Variants in ADAMTS2 observed in about 807,000 individuals in gnomAD.
ADAMTS2 encodes the protein ADAM metallopeptidase with thrombospondin type 1 motif 2, also known as A disintegrin and metalloproteinase with thrombospondin motifs 2.
A neutral mutation model predicts 123.0 loss-of-function variants in ADAMTS2; 50 were observed. The observed-to-expected ratio is 0.41, with a 90% CI of 0.32 to 0.51. The LOEUF is 0.51. ADAMTS2 is among the 20% of genes least tolerant of loss of function. The pLI is 0.35. For missense variants in ADAMTS2, 1,494 were observed against 1,705.2 expected, an observed-to-expected ratio of 0.88 and a Z score of 2.18; for synonymous variants, 678 against 695.4, an observed-to-expected ratio of 0.98 and a Z score of 0.39.
intron 18 of ADAMTS2, among the ~76,000 whole-genome samples, chr5:179,125,398 A>G (rs1311312127): frequency 6.6e-6 from 1 of 152,188 alleles, no homozygotes; most frequent in Non-Finnish European, 1.5e-5. Context: ...GGTCCTACTG[A>G]CCATGAGTCC....
intron 4 of ADAMTS2, among the ~76,000 whole-genome samples, chr5:179,194,110 C>T (rs887801815): frequency 6.6e-6 from 1 of 152,300 alleles, no homozygotes; most frequent in Non-Finnish European, 1.5e-5. Context: ...CAGTTCCCCG[C>T]GGGAGGCCAA....
At chr5:179,335,034 G>A (rs560722591) in intron 2 of ADAMTS2, among the ~76,000 whole-genome samples, 22 of 151,872 alleles carry the variant, frequency 1.4e-4, no homozygotes, top group Admixed American at 3.3e-4. Flanking sequence ...TCAAATTCAC[G>A]AGGGATTTTT....
intron 3 of ADAMTS2, among the ~76,000 whole-genome samples, chr5:179,246,690 G>C (rs1271031425): frequency 6.6e-6 from 1 of 152,190 alleles, no homozygotes; most frequent in Non-Finnish European, 1.5e-5. Context: ...GTCTGGCTAA[G>C]CATCAAAGGT....
At chr5:179,204,269 G>A (rs569794271) in intron 4 of ADAMTS2, among the ~76,000 whole-genome samples, 59 of 152,296 alleles carry the variant, frequency 3.9e-4, no homozygotes, top group African/African-American at 1.3e-3. Context: ...CGGTGGTGGC[G>A]ATGGTGGCCC....
intron 6 of ADAMTS2, 30 bp from the exon 7 acceptor site, chr5:179,154,949 G>A (rs926255926): frequency 1.3e-6 from 2 of 1,592,298 alleles, no homozygotes; most frequent in African/African-American, 2.7e-5. Context: ...GGCTCCAGAT[G>A]CTGCCATAGC....
chr5:179,134,885 TCCAGACC>T (rs1763031192), intron 13 of ADAMTS2, among the ~76,000 whole-genome samples: 1 of 53,538 alleles, frequency 1.9e-5, no homozygotes, highest in Non-Finnish European at 3.7e-5. Context: ...AGCTCCCGGC[TCCAGACC>T]CCAGCTCCCG....
Position 179,181,191 on chromosome 5 carries a change from G to C in ADAMTS2, c.892-36C>G. ...CAGGGAGGCATCAGCGGGAACCACAGGCCCTAGGACTGGCTCTGGCTCTGC... is the reference window on the plus strand; with the variant it reads ...CAGGGAGGCATCAGCGGGAACCACACGCCCTAGGACTGGCTCTGGCTCTGC... On this transcript the variant is annotated intron_variant, in intron 4 of 21. Coordinates refer to ENST00000251582, the MANE Select transcript of ADAMTS2 (RefSeq NM_014244.5). This position sits in a 1 kb window ranked among gnomAD's most constrained non-coding sequence, Gnocchi z 4.1. 6.6e-7 allele frequency: 1 copy of C among 1,508,982 alleles called. No homozygotes were observed. Among genetic ancestry groups the C allele is most frequent in the Non-Finnish European group, 9.2e-7 (1 of 1,084,718 alleles). 93.5% of individuals were successfully genotyped at this position (1,508,982 alleles called of 1,614,324 possible).
chr5:179,154,176 C>T lies in ADAMTS2; in HGVS notation c.1255G>A (p.Asp419Asn). The change falls in exon 8 of 22, where the codon GAC (aspartate) becomes AAC (asparagine). Residue 419 changes from aspartate (D) to asparagine (N), a missense_variant. Asp to Asn is a conservative substitution (Grantham distance 23, BLOSUM62 1). Transcript: ENST00000251582. ...TCGCCACAGCGGTTGCCCTGCCCGTCGTGCTCCATGCCCAGCCTGCGAGGG... is the reference window on the plus strand; with the variant it reads ...TCGCCACAGCGGTTGCCCTGCCCGTTGTGCTCCATGCCCAGCCTGCGAGGG... ...ETGHVLGMEHDGQGNRCGDEV... is the reference protein window; with the variant it reads ...ETGHVLGMEHNGQGNRCGDEV... The T allele has an allele frequency of 1.9e-6, 3 of 1,561,346 alleles. No individual in the cohort carries two copies. Among genetic ancestry groups the T allele is most frequent in the Non-Finnish European group, 2.6e-6 (3 of 1,160,440 alleles).
At position 179,148,935 on chromosome 5, in the gene ADAMTS2, G is replaced by A. The variant is rs143119479; in HGVS notation, c.1629+3207C>T. On this transcript the variant is annotated intron_variant, in intron 10 of 21. Coordinates refer to ENST00000251582, the MANE Select transcript of ADAMTS2 (RefSeq NM_014244.5). ...CTGGGGCCAGGCAGGCCTGGCTCCC[G>A]GCCCCTGGGGGGTCCTAGCCATCTC... 1.2e-4 allele frequency among the ~76,000 whole-genome samples: 17 copies of A among 137,706 alleles called. 1 individual carries two copies. In the East Asian group the frequency reaches 3.1e-3, roughly 25 times the overall value. 90.3% of individuals were successfully genotyped at this position (137,706 alleles called of 152,430 possible).
In ADAMTS2 at chr5:179,118,592, A is replaced by G. The variant is rs991303317; in HGVS notation, c.3178+3069T>C. On this transcript the variant is annotated intron_variant, in intron 21 of 21. Transcript: ENST00000251582. This position sits in a 1 kb window ranked among gnomAD's most constrained non-coding sequence, Gnocchi z 4.5. ...TTTAAATTAACTCCTTTTTACACTT[A>G]AAATTTGTTTTAGAAGACCTTATAC... 3.9e-5 allele frequency among the ~76,000 whole-genome samples: 6 copies of G among 152,210 alleles called. No homozygotes were observed. The highest frequency in any genetic ancestry group is 1.4e-4 in the African/African-American group (6 of 41,456).
chr5:179,317,478 C>T lies in ADAMTS2; in HGVS notation c.534+26289G>A, dbSNP rs542818804. Reference sequence around the variant, plus strand: ...AGGGAGAGAGATGCGAGCAGGTGGGCGGAGGGTGCACTCATGAGACTTCTA... The same window carrying T: ...AGGGAGAGAGATGCGAGCAGGTGGGTGGAGGGTGCACTCATGAGACTTCTA... On this transcript the variant is annotated intron_variant, in intron 2 of 21. Transcript: ENST00000251582. This position sits in a 1 kb window ranked among gnomAD's most constrained non-coding sequence, Gnocchi z 4.9. Among the ~76,000 whole-genome samples, 2 of 152,096 alleles carry T rather than the reference C, an allele frequency of 1.3e-5. No individual in the cohort carries two copies. Among genetic ancestry groups the T allele is most frequent in the South Asian group, 2.1e-4 (1 of 4,820 alleles).
In ADAMTS2 at chr5:179,113,088, G is replaced by A. The variant is rs1349718311; in HGVS notation, c.*779C>T. ...CACCAAGAAGGTCAGAAGGCCTTTA[G>A]TTCTTAATTAGCAAGACTGCATCAG... On this transcript the variant is annotated 3_prime_UTR_variant, in exon 22 of 22. Transcript: ENST00000251582. 1 of 152,730 alleles carries A rather than the reference G, an allele frequency of 6.5e-6. No individual in the cohort carries two copies. The highest frequency in any genetic ancestry group is 1.5e-5 in the Non-Finnish European group (1 of 68,436). 9.5% of individuals were successfully genotyped at this position (152,730 alleles called of 1,614,324 possible).
chr5:179,230,024 G>C (rs1246102006), intron 3 of ADAMTS2, among the ~76,000 whole-genome samples: 1 of 152,192 alleles, frequency 6.6e-6, no homozygotes, highest in South Asian at 2.1e-4. Context: ...TAGAATTACT[G>C]AGCTATAAGC....
chr5:179,132,211 G>T lies in ADAMTS2; in HGVS notation c.2290+19C>A, dbSNP rs1027442084. On this transcript the variant is annotated intron_variant, in intron 15 of 21. Coordinates refer to ENST00000251582, the MANE Select transcript of ADAMTS2 (RefSeq NM_014244.5). This position sits in a 1 kb window ranked among gnomAD's most constrained non-coding sequence, Gnocchi z 6.1. Reference sequence around the variant, plus strand: ...AGCCAGGTCCTGAGGACGTCAAGTTGTCCGGCTCTGAGACTCACCCAGATG... The same window carrying T: ...AGCCAGGTCCTGAGGACGTCAAGTTTTCCGGCTCTGAGACTCACCCAGATG... The T allele has an allele frequency of 2.5e-6, 4 of 1,612,666 alleles. No individual in the cohort carries two copies. Among genetic ancestry groups the T allele is most frequent in the Admixed American group, 3.3e-5 (2 of 60,020 alleles).
chr5:179,204,471 G>A (rs1046362018), intron 4 of ADAMTS2, among the ~76,000 whole-genome samples: 2 of 152,204 alleles, frequency 1.3e-5, no homozygotes, highest in African/African-American at 4.8e-5. Flanking sequence ...GAGCCCCGGT[G>A]GCTACTGCCC....
Position 179,314,236 on chromosome 5 carries a change from G to A in ADAMTS2, c.534+29531C>T, listed in dbSNP as rs569549709. On this transcript the variant is annotated intron_variant, in intron 2 of 21. Transcript: ENST00000251582. This position sits in a 1 kb window ranked among gnomAD's most constrained non-coding sequence, Gnocchi z 4.5. The stretch of plus-strand genomic sequence containing the variant: ...CTGGTCCCATCCTGCCCCTCCCACC[G>A]GGTCGGCCCTGTCCTTGTCTTGCTC... Among the ~76,000 whole-genome samples the A allele has an allele frequency of 6.6e-6, 1 of 152,218 alleles. No individual in the cohort carries two copies. Among genetic ancestry groups the A allele is most frequent in the South Asian group, 2.1e-4 (1 of 4,818 alleles).
chr5:179,332,821 G>C lies in ADAMTS2; in HGVS notation c.534+10946C>G, dbSNP rs898961875. Among the ~76,000 whole-genome samples the C allele has an allele frequency of 1.3e-5, 2 of 152,090 alleles. No individual in the cohort carries two copies. Among genetic ancestry groups the C allele is most frequent in the Non-Finnish European group, 2.9e-5 (2 of 67,994 alleles). On this transcript the variant is annotated intron_variant, in intron 2 of 21. Coordinates refer to ENST00000251582, the MANE Select transcript of ADAMTS2 (RefSeq NM_014244.5). This position sits in a 1 kb window ranked among gnomAD's most constrained non-coding sequence, Gnocchi z 4.2. ...CAGGGCCTGGGCACCTGCCTGGGAG[G>C]GCACTGAGGAGCACCAAGGAGGATG...
rs559672701 is a variant in ADAMTS2 at position 179,314,150 on chromosome 5, C to A, written c.534+29617G>T. Among the ~76,000 whole-genome samples, 1 of 152,254 alleles carries A rather than the reference C, an allele frequency of 6.6e-6. No homozygotes were observed. Among genetic ancestry groups the A allele is most frequent in the Non-Finnish European group, 1.5e-5 (1 of 68,042 alleles). The stretch of plus-strand genomic sequence containing the variant: ...ATCCACACGGAGGCTTCGGATTGGG[C>A]GCAGCCTGGGAGCACACAGACCGGC... On this transcript the variant is annotated intron_variant, in intron 2 of 21. Transcript: ENST00000251582. This position sits in a 1 kb window ranked among gnomAD's most constrained non-coding sequence, Gnocchi z 4.5.
In ADAMTS2 at chr5:179,121,759, A is replaced by T; in HGVS notation, c.3089-9T>A. On this transcript the variant is annotated splice_polypyrimidine_tract_variant and intron_variant, in intron 20 of 21. Coordinates refer to ENST00000251582, the MANE Select transcript of ADAMTS2 (RefSeq NM_014244.5). ...GGGATCTGAGATGTTTCCTAGAGGGAGGAGAGAGGGGCTGCGGCCGCAGGG... is the reference window on the plus strand; with the variant it reads ...GGGATCTGAGATGTTTCCTAGAGGGTGGAGAGAGGGGCTGCGGCCGCAGGG... 1.3e-6 allele frequency: 2 copies of T among 1,545,836 alleles called. No individual in the cohort carries two copies. Among genetic ancestry groups the T allele is most frequent in the Non-Finnish European group, 8.8e-7 (1 of 1,140,860 alleles).
Sources: allele counts gnomAD v4.1 joint callset (sites outside exome capture counted in the v4.1 genomes callset), GRCh38; gene constraint gnomAD v4.1.1; non-coding constraint Gnocchi (gnomAD v3.1); transcripts MANE v1.5; gene names NCBI Gene and HGNC (gene_info 2026-07-23, HGNC 2026-07-21).